The following ADCY8 variants were observed in gnomAD, a reference collection of about 807,000 sequenced individuals.
ADCY8 encodes adenylate cyclase type 8.
In ADCY8, 51 loss-of-function variants were observed where a neutral mutation model predicts 119.7. The observed-to-expected ratio is 0.43, with a 90% confidence interval of 0.34 to 0.54. The LOEUF is 0.54. ADCY8 is among the 20% of genes least tolerant of loss of function. The pLI is 0.03. For synonymous variants in ADCY8, 665 were observed against 651.0 expected, an observed-to-expected ratio of 1.02 and a Z score of -0.33; for missense variants, 1,383 against 1,598.8, an observed-to-expected ratio of 0.87 and a Z score of 2.30.
intron 1 of ADCY8, among the ~76,000 whole-genome samples, chr8:131,010,717 T>G (rs950055242): frequency 6.6e-6 from 1 of 152,180 alleles, no homozygotes; most frequent in Non-Finnish European, 1.5e-5. Context: ...TGGCCGCCAA[T>G]AGCGTGCTCA....
rs1457979143 is a variant in ADCY8, at chr8:131,039,890, G to C, written c.444C>G (p.Ser148Arg). ...GGGTGGGGAAAATGACCCCTCGGTA[G>C]CTATAGCCCCCATTAAGAAAGAAAT... The part of the protein sequence containing the change: ...NSDFFLNGGY[S>R]YRGVIFPTLR... Residue 148 changes from serine to arginine, a missense_variant, in exon 1 of 18, where the codon AGC (serine) becomes AGG (arginine). By Grantham distance (110) the Ser-to-Arg change is moderately radical (BLOSUM62 -1). Coordinates refer to ENST00000286355, the MANE Select transcript of ADCY8 (RefSeq NM_001115.3). 4.3e-6 allele frequency: 7 copies of C among 1,613,884 alleles called. No individual in the cohort carries two copies. The highest frequency in any genetic ancestry group is 5.9e-6 in the Non-Finnish European group (7 of 1,179,852).
chr8:130,996,693 TAG>T (rs1822787495), intron 1 of ADCY8, among the ~76,000 whole-genome samples: 2 of 152,124 alleles, frequency 1.3e-5, no homozygotes, highest in African/African-American at 4.8e-5. Flanking sequence ...GCCAATGGAT[TAG>T]AGCTAAATGT....
intron 1 of ADCY8, among the ~76,000 whole-genome samples, chr8:131,020,539 T>A (rs961939609): frequency 6.6e-6 from 1 of 152,226 alleles, no homozygotes; most frequent in African/African-American, 2.4e-5. Context: ...GTTAGGGACA[T>A]AGTTTGATGT....
chr8:130,913,967 C>G (rs1395636771), intron 5 of ADCY8, among the ~76,000 whole-genome samples: 1 of 152,144 alleles, frequency 6.6e-6, no homozygotes, highest in African/African-American at 2.4e-5. Flanking sequence ...ATGTTAATAA[C>G]GTTGTCAAGA....
At position 131,005,569 on chromosome 8, in the gene ADCY8, AGTT is replaced by A. The variant is rs370630317; in HGVS notation, c.961-15030_961-15028del. ...CTGTGTCCCACTCTTTGCCCAGAAA[AGTT>A]GTTATCTCTGGACTGTATCTATCAA... On this transcript the variant is annotated intron_variant, in intron 1 of 17. Coordinates refer to ENST00000286355, the MANE Select transcript of ADCY8 (RefSeq NM_001115.3). 1.9e-3 allele frequency among the ~76,000 whole-genome samples: 282 copies of A among 152,304 alleles called. 1 individual carries two copies. Among genetic ancestry groups the A allele is most frequent in the Middle Eastern group, 3.4e-3 (1 of 294 alleles).
chr8:130,792,053 A>G (rs1193180653), intron 15 of ADCY8, among the ~76,000 whole-genome samples: 4 of 152,140 alleles, frequency 2.6e-5, no homozygotes, highest in Admixed American at 6.5e-5. Context: ...TGGTCCTGCC[A>G]TGCCACTGAA....
At chr8:130,878,938 T>C (rs1440822269) in intron 8 of ADCY8, among the ~76,000 whole-genome samples, 1 of 152,202 alleles carries the variant, frequency 6.6e-6, no homozygotes, top group Non-Finnish European at 1.5e-5. Flanking sequence ...ATTAAACATG[T>C]CTTAATCTTT....
chr8:131,027,954 T>C (rs1285107736), intron 1 of ADCY8, among the ~76,000 whole-genome samples: 1 of 152,206 alleles, frequency 6.6e-6, no homozygotes, highest in Non-Finnish European at 1.5e-5. Flanking sequence ...GTGACCCAGA[T>C]GCCACCCCAG....
intron 7 of ADCY8, 96 bp from the exon 8 acceptor site, chr8:130,884,857 G>A: frequency 8.5e-7 from 1 of 1,176,050 alleles, no homozygotes; most frequent in Non-Finnish European, 1.3e-6. Flanking sequence ...ATTGCAAACA[G>A]TAATAGCATT....
At chr8:130,831,454 C>T (rs1446901734) in intron 12 of ADCY8, among the ~76,000 whole-genome samples, 1 of 152,000 alleles carries the variant, frequency 6.6e-6, no homozygotes, top group African/African-American at 2.4e-5. Flanking sequence ...GAGGAATGGC[C>T]AAAGATGGTT....
At chr8:130,950,435 G>A (rs550673282) in intron 3 of ADCY8, among the ~76,000 whole-genome samples, 4 of 152,120 alleles carry the variant, frequency 2.6e-5, no homozygotes, top group Non-Finnish European at 5.9e-5. Context: ...GGCCGTGTCA[G>A]GGTTTGGGGG....
intron 1 of ADCY8, among the ~76,000 whole-genome samples, chr8:131,000,837 C>T (rs1200163087): frequency 2.6e-5 from 4 of 151,964 alleles, no homozygotes; most frequent in Non-Finnish European, 4.4e-5. Context: ...AGAGACAACA[C>T]GCACCTTGGG....
At chr8:130,882,448 C>T (rs1818812433) in intron 8 of ADCY8, among the ~76,000 whole-genome samples, 1 of 152,122 alleles carries the variant, frequency 6.6e-6, no homozygotes, top group Non-Finnish European at 1.5e-5. Context: ...CCCACTGCAT[C>T]CAAAGTTTGA....
At chr8:130,829,348 T>C (rs1354166108) in intron 12 of ADCY8, among the ~76,000 whole-genome samples, 2 of 152,194 alleles carry the variant, frequency 1.3e-5, no homozygotes, top group Non-Finnish European at 2.9e-5. Context: ...GGTTCCCAGG[T>C]AAGAGGGAAG....
intron 9 of ADCY8, among the ~76,000 whole-genome samples, chr8:130,853,440 A>G (rs1474864807): frequency 6.6e-6 from 1 of 152,318 alleles, no homozygotes; most frequent in East Asian, 1.9e-4. Context: ...TAACTGTGGG[A>G]TATGAGGGCC....
chr8:130,833,451 G>A (rs1428837957), intron 12 of ADCY8, among the ~76,000 whole-genome samples: 1 of 152,114 alleles, frequency 6.6e-6, no homozygotes, highest in Non-Finnish European at 1.5e-5. Context: ...ACATGAGAGA[G>A]CAATCTGAAA....
intron 9 of ADCY8, among the ~76,000 whole-genome samples, chr8:130,865,300 T>C (rs553755949): frequency 7.9e-5 from 12 of 152,136 alleles, no homozygotes; most frequent in Non-Finnish European, 1.5e-4. Context: ...GTTTATGTGC[T>C]GTTTGTTCTC....
chr8:130,938,015 C>G (rs1210146263), intron 4 of ADCY8, among the ~76,000 whole-genome samples: 1 of 152,104 alleles, frequency 6.6e-6, no homozygotes, highest in Admixed American at 6.5e-5. Flanking sequence ...GAAAATAATG[C>G]ATGCTTTTAT....
At chr8:131,030,322 A>G (rs1317256782) in intron 1 of ADCY8, among the ~76,000 whole-genome samples, 1 of 152,168 alleles carries the variant, frequency 6.6e-6, no homozygotes, top group Non-Finnish European at 1.5e-5. Context: ...TGCTCAGACA[A>G]CTGATGACTT....
Sources: gnomAD v4.1 joint callset for allele counts (sites outside exome capture counted in the v4.1 genomes callset) on GRCh38, gnomAD v4.1.1 for gene constraint, MANE v1.5 for transcripts, NCBI Gene and HGNC (gene_info 2026-07-23, HGNC 2026-07-21) for gene names.